Variants in SGCZ observed in about 807,000 individuals in gnomAD.
SGCZ encodes the protein zeta-sarcoglycan.
A neutral mutation model predicts 41.3 loss-of-function variants in SGCZ; 40 were observed. The ratio of observed to expected loss-of-function variants is 0.97; its 90% CI spans 0.75 to 1.26. The LOEUF is 1.26. Among genes scored for constraint, SGCZ ranks in the 50% most tolerant of loss-of-function variants. SGCZ has a pLI of 0.00. For missense variants in SGCZ, 552 were observed against 369.8 expected, an observed-to-expected ratio of 1.49 and a Z score of -4.04; for synonymous variants, 206 against 137.5, an observed-to-expected ratio of 1.50 and a Z score of -3.49.
intron 1 of SGCZ, among the ~76,000 whole-genome samples, chr8:14,919,355 T>C (rs996896): frequency 0.15 from 23,193 of 151,884 alleles, 2,721 homozygotes; most frequent in African/African-American, 0.33. Flanking sequence ...GCAGGAGAAT[T>C]GCTAGAACCC....
chr8:14,303,662 C>T (rs1235235788), intron 3 of SGCZ, among the ~76,000 whole-genome samples: 1 of 152,092 alleles, frequency 6.6e-6, no homozygotes. Flanking sequence ...CCTGAAACAC[C>T]AGTGTCTTCT....
At chr8:14,400,547 A>C (rs924752707) in intron 2 of SGCZ, among the ~76,000 whole-genome samples, 1 of 152,170 alleles carries the variant, frequency 6.6e-6, no homozygotes, top group Non-Finnish European at 1.5e-5. Context: ...TATTCCAAGC[A>C]AGATTATCTA....
intron 1 of SGCZ, among the ~76,000 whole-genome samples, chr8:14,656,835 A>C (rs1171927485): frequency 6.6e-6 from 1 of 152,008 alleles, no homozygotes; most frequent in East Asian, 1.9e-4. Flanking sequence ...CAAAATCAGC[A>C]AAGAAATATG....
At chr8:14,149,474 A>C (rs542972152) in intron 5 of SGCZ, among the ~76,000 whole-genome samples, 2 of 152,220 alleles carry the variant, frequency 1.3e-5, no homozygotes, top group South Asian at 4.1e-4. Flanking sequence ...GGAGTGAAAA[A>C]TGTCAGTGAT....
intron 5 of SGCZ, among the ~76,000 whole-genome samples, chr8:14,117,481 C>CGTGTGT (rs146063958): frequency 2.5e-4 from 36 of 143,324 alleles, no homozygotes; most frequent in African/African-American, 9.0e-4. Flanking sequence ...GTACTTGACC[C>CGTGTGT]GTGTGTGTGT....
At chr8:14,377,943 G>C (rs933559830) in intron 2 of SGCZ, among the ~76,000 whole-genome samples, 3 of 150,506 alleles carry the variant, frequency 2.0e-5, no homozygotes, top group Non-Finnish European at 4.4e-5. Flanking sequence ...TGGACATTAG[G>C]CTTGGTTCCA....
chr8:14,773,688 GAGA>G (rs1563259880), intron 1 of SGCZ, among the ~76,000 whole-genome samples: 1 of 152,110 alleles, frequency 6.6e-6, no homozygotes, highest in Non-Finnish European at 1.5e-5. Flanking sequence ...AGAGCAAAGG[GAGA>G]AGATTAACAT....
At chr8:14,503,125 G>A (rs1010114705) in intron 2 of SGCZ, among the ~76,000 whole-genome samples, 2 of 152,108 alleles carry the variant, frequency 1.3e-5, no homozygotes, top group African/African-American at 2.4e-5. Context: ...ATAAAAAAAA[G>A]AATGAGTTCA....
At chr8:14,155,275 G>A (rs1045704356) in intron 5 of SGCZ, among the ~76,000 whole-genome samples, 1 of 152,006 alleles carries the variant, frequency 6.6e-6, no homozygotes, top group East Asian at 1.9e-4. Flanking sequence ...CAAGTTATGC[G>A]TTTTTGTCTG....
intron 3 of SGCZ, among the ~76,000 whole-genome samples, chr8:14,259,238 C>A (rs1371665079): frequency 6.6e-6 from 1 of 151,930 alleles, no homozygotes; most frequent in African/African-American, 2.4e-5. Context: ...AGAATTGGAC[C>A]CACAAAAATG....
At chr8:14,318,518 G>C (rs1188807228) in intron 3 of SGCZ, among the ~76,000 whole-genome samples, 2 of 151,918 alleles carry the variant, frequency 1.3e-5, no homozygotes, top group Admixed American at 6.6e-5. Context: ...GTCAAGCCCA[G>C]ATAAACTAAT....
At chr8:14,484,856 C>A (rs1801630818) in intron 2 of SGCZ, among the ~76,000 whole-genome samples, 1 of 152,112 alleles carries the variant, frequency 6.6e-6, no homozygotes, top group East Asian at 1.9e-4. Context: ...CTTGGTGATA[C>A]TTCTGTTGCT....
intron 1 of SGCZ, among the ~76,000 whole-genome samples, chr8:15,224,604 C>A (rs752491618): frequency 6.6e-6 from 1 of 151,946 alleles, no homozygotes; most frequent in African/African-American, 2.4e-5. Context: ...TTACAATAAA[C>A]GTAAATAAGC....
chr8:15,066,240 G>A (rs1399865579), intron 1 of SGCZ, among the ~76,000 whole-genome samples: 4 of 151,152 alleles, frequency 2.6e-5, no homozygotes, highest in Non-Finnish European at 5.9e-5. Flanking sequence ...CCCGGGAAGC[G>A]GAGCTTGCCG....
At chr8:15,232,648 T>A (rs1017817066) in intron 1 of SGCZ, among the ~76,000 whole-genome samples, 2 of 145,688 alleles carry the variant, frequency 1.4e-5, no homozygotes, top group Non-Finnish European at 3.0e-5. Context: ...TATATGTGTG[T>A]GTATATATAT....
At chr8:14,504,980 CT>C (rs1056981807) in intron 2 of SGCZ, among the ~76,000 whole-genome samples, 2 of 151,934 alleles carry the variant, frequency 1.3e-5, no homozygotes, top group Admixed American at 6.6e-5. Flanking sequence ...TGTTGCATTG[CT>C]TTTTTCGGTT....
intron 4 of SGCZ, among the ~76,000 whole-genome samples, chr8:14,175,609 A>T (rs1215895935): frequency 6.6e-6 from 1 of 152,090 alleles, no homozygotes; most frequent in East Asian, 1.9e-4. Flanking sequence ...TAATAGAAGA[A>T]TCTAAATTAG....
intron 1 of SGCZ, among the ~76,000 whole-genome samples, chr8:14,671,678 A>C (rs939102794): frequency 1.3e-5 from 2 of 152,178 alleles, no homozygotes; most frequent in Admixed American, 6.5e-5. Flanking sequence ...TTAACATTCA[A>C]ACCATGCATT....
At chr8:14,847,046 T>C (rs1226805363) in intron 1 of SGCZ, among the ~76,000 whole-genome samples, 1 of 150,986 alleles carries the variant, frequency 6.6e-6, no homozygotes, top group Non-Finnish European at 1.5e-5. Context: ...CACTCCAGCC[T>C]GGGTGACAGA....
Sources: allele counts gnomAD v4.1 joint callset (sites outside exome capture counted in the v4.1 genomes callset), GRCh38; gene constraint gnomAD v4.1.1; transcripts MANE v1.5; gene names NCBI Gene and HGNC (gene_info 2026-07-23, HGNC 2026-07-21).